CISTR: variants seen among roughly 807,000 people sequenced by gnomAD.
CISTR encodes the protein chondrogenic regulator lncRNA.
rs1359635128 is a variant in CISTR at position 53,751,068 on chromosome 12, A to ACACG, written n.415-107_415-104dup. ...AAGGGACGGACACTCACACACACAC[A>ACACG]CACGCACACACTCACTCCTGCGCAC... On this transcript the variant is annotated intron_variant and non_coding_transcript_variant, in intron 1 of 2. Coordinates refer to ENST00000669269, the Ensembl canonical transcript of CISTR. The surrounding 1 kb of genome is among the most constrained non-coding windows in gnomAD (Gnocchi z 4.6). 1 of 152,860 alleles carries ACACG rather than the reference A, an allele frequency of 6.5e-6. No homozygotes were observed. The highest frequency in any genetic ancestry group is 2.4e-5 in the African/African-American group (1 of 41,470). The allele number at this position is 152,860 out of a possible 1,614,324, so 9.5% of individuals were successfully genotyped here.
rs1256452566 is a variant in CISTR, at chr12:53,756,566, G to T, written n.414+248C>A. Reference sequence around the variant, plus strand: ...AGCCACTGCACTTGGCCTCTTTCAGGTTTCAGATGAGGAAATGGAGGCCTT... The same window carrying T: ...AGCCACTGCACTTGGCCTCTTTCAGTTTTCAGATGAGGAAATGGAGGCCTT... On this transcript the variant is annotated intron_variant and non_coding_transcript_variant, in intron 1 of 2. Transcript: ENST00000669269. This position sits in a 1 kb window ranked among gnomAD's most constrained non-coding sequence, Gnocchi z 4.0. Among the ~76,000 whole-genome samples the T allele has an allele frequency of 6.6e-6, 1 of 152,164 alleles. No individual in the cohort carries two copies. The highest frequency in any genetic ancestry group is 2.4e-5 in the African/African-American group (1 of 41,442).
At chr12:53,747,928 C>T (rs1937801346) in intron 2 of CISTR, among the ~76,000 whole-genome samples, 1 of 152,120 alleles carries the variant, frequency 6.6e-6, no homozygotes, top group African/African-American at 2.4e-5. Flanking sequence ...CCTTCCCACA[C>T]CCCCTTCCAG....
In CISTR at chr12:53,756,124, T is replaced by G. The variant is rs1003255346; in HGVS notation, n.414+690A>C. 6.6e-6 allele frequency among the ~76,000 whole-genome samples: 1 copy of G among 151,810 alleles called. No homozygotes were observed. The highest frequency in any genetic ancestry group is 1.5e-5 in the Non-Finnish European group (1 of 67,936). On this transcript the variant is annotated intron_variant and non_coding_transcript_variant, in intron 1 of 2. Transcript: ENST00000669269. This position sits in a 1 kb window ranked among gnomAD's most constrained non-coding sequence, Gnocchi z 4.0. ...TGGCCTTTTCATTTCCTGCTGGGGG[T>G]TGTGGAGAGCAATAAGCAAGGTGGG...
intron 2 of CISTR, among the ~76,000 whole-genome samples, chr12:53,748,367 A>C (rs1377036054): frequency 6.6e-6 from 1 of 152,118 alleles, no homozygotes; most frequent in Non-Finnish European, 1.5e-5. Flanking sequence ...GATGACGGAC[A>C]CACAGACAGG....
chr12:53,749,405 G>A (rs1937820814), intron 2 of CISTR, among the ~76,000 whole-genome samples: 1 of 151,824 alleles, frequency 6.6e-6, no homozygotes, highest in Non-Finnish European at 1.5e-5. Flanking sequence ...GAGGGAGGCA[G>A]ACTAAGGGGA....
At chr12:53,754,878 A>G (rs1011573162) in intron 1 of CISTR, among the ~76,000 whole-genome samples, 3 of 152,018 alleles carry the variant, frequency 2.0e-5, no homozygotes, top group African/African-American at 7.2e-5. Context: ...TATATGCTGA[A>G]TTTTTTTTCT....
chr12:53,746,425 G>C (rs1937780902), exon 3 of CISTR, among the ~76,000 whole-genome samples: 1 of 152,120 alleles, frequency 6.6e-6, no homozygotes, highest in South Asian at 2.1e-4. Flanking sequence ...AGAAGTCGTG[G>C]GTTCTAGTTC....
rs1343143239 is a variant in CISTR at position 53,751,066 on chromosome 12, A to C, written n.415-101T>G. 6.5e-6 allele frequency: 1 copy of C among 152,814 alleles called. No individual in the cohort carries two copies. Among genetic ancestry groups the C allele is most frequent in the African/African-American group, 2.4e-5 (1 of 41,464 alleles). The allele number at this position is 152,814 out of a possible 1,614,324, so 9.5% of individuals were successfully genotyped here. A position where few individuals can be genotyped will look rare whatever the true frequency, so the allele number is the denominator to read the frequency against. ...CAAAGGGACGGACACTCACACACAC[A>C]CACACGCACACACTCACTCCTGCGC... On this transcript the variant is annotated intron_variant and non_coding_transcript_variant, in intron 1 of 2. Transcript: ENST00000669269. The surrounding 1 kb of genome is among the most constrained non-coding windows in gnomAD (Gnocchi z 4.6).
At chr12:53,746,481 C>T (rs769176514) in exon 3 of CISTR, among the ~76,000 whole-genome samples, 3 of 152,146 alleles carry the variant, frequency 2.0e-5, no homozygotes, top group Admixed American at 1.3e-4. Context: ...CACGGAGGAG[C>T]GTGGGTGTCA....
chr12:53,749,308 G>A lies in CISTR; in HGVS notation n.1063+1009C>T, dbSNP rs59483862. On this transcript the variant is annotated intron_variant and non_coding_transcript_variant, in intron 2 of 2. Coordinates refer to ENST00000669269, the Ensembl canonical transcript of CISTR. ...AGGCAAGAAGTGTGTGTGTGTGTGT[G>A]TATATATATATATAAAAGACAGGGA... is the stretch of plus-strand genomic sequence containing the variant. 1.0e-2 allele frequency among the ~76,000 whole-genome samples: 927 copies of A among 93,036 alleles called. 2 individuals are homozygous for A. Among genetic ancestry groups the A allele is most frequent in the Middle Eastern group, 0.028 (5 of 178 alleles). 61.0% of individuals were successfully genotyped at this position (93,036 alleles called of 152,430 possible). A position where few individuals can be genotyped will look rare whatever the true frequency, so the allele number is the denominator to read the frequency against.
intron 1 of CISTR, among the ~76,000 whole-genome samples, chr12:53,754,785 T>A (rs1427804635): frequency 2.6e-5 from 4 of 152,288 alleles, no homozygotes; most frequent in South Asian, 2.1e-4. Context: ...TTCCCTCTGA[T>A]CTTGCTTCAT....
Position 53,751,346 on chromosome 12 carries a change from A to G in CISTR, n.415-381T>C, listed in dbSNP as rs968151689. 4.6e-5 allele frequency among the ~76,000 whole-genome samples: 7 copies of G among 152,028 alleles called. No homozygotes were observed. Among genetic ancestry groups the G allele is most frequent in the African/African-American group, 9.7e-5 (4 of 41,398 alleles). ...CCAGAGATCTAATGGCTCCTTTGGC[A>G]GTGGGAAGGGGTGTGCGTGGGTGTC... On this transcript the variant is annotated intron_variant and non_coding_transcript_variant, in intron 1 of 2. Transcript: ENST00000669269. The surrounding 1 kb of genome is among the most constrained non-coding windows in gnomAD (Gnocchi z 4.6).
chr12:53,747,775 C>T (rs938630672), intron 2 of CISTR, among the ~76,000 whole-genome samples: 7 of 152,202 alleles, frequency 4.6e-5, no homozygotes, highest in Non-Finnish European at 8.8e-5. Context: ...GGATAAAAGA[C>T]GCACTCCACC....
chr12:53,746,659 G>A (rs1158473655), exon 3 of CISTR, among the ~76,000 whole-genome samples: 1 of 152,176 alleles, frequency 6.6e-6, no homozygotes, highest in Non-Finnish European at 1.5e-5. Context: ...ATGGGTTTTT[G>A]CTCGAGCTAA....
At chr12:53,754,438 C>A (rs761622126) in intron 1 of CISTR, 11 of 152,268 alleles carry the variant, frequency 7.2e-5, no homozygotes, top group African/African-American at 2.6e-4. Context: ...CTTCCCGGAA[C>A]AGAAACGGCA....
At chr12:53,749,050 C>T (rs1937815335) in intron 2 of CISTR, among the ~76,000 whole-genome samples, 1 of 151,760 alleles carries the variant, frequency 6.6e-6, no homozygotes, top group South Asian at 2.1e-4. Flanking sequence ...TTGTCTGGTG[C>T]TGAACCAGAC....
At position 53,751,074 on chromosome 12, in the gene CISTR, ACACACTCACTCCTGCGCACACAGGCT is replaced by A. The variant is rs1218810230; in HGVS notation, n.415-135_415-110del. The A allele has an allele frequency of 6.5e-6, 1 of 152,848 alleles. No individual in the cohort carries two copies. The highest frequency in any genetic ancestry group is 1.5e-5 in the Non-Finnish European group (1 of 68,322). The allele number at this position is 152,848 out of a possible 1,614,324, so 9.5% of individuals were successfully genotyped here. ...CGGACACTCACACACACACACACGC[ACACACTCACTCCTGCGCACACAGGCT>A]GCTCCGCGGACACGCTTCACGGAGC... On this transcript the variant is annotated intron_variant and non_coding_transcript_variant, in intron 1 of 2. Transcript: ENST00000669269. This position sits in a 1 kb window ranked among gnomAD's most constrained non-coding sequence, Gnocchi z 4.6.
At chr12:53,747,134 A>AG (rs1379685675) in intron 2 of CISTR, among the ~76,000 whole-genome samples, 4 of 152,198 alleles carry the variant, frequency 2.6e-5, no homozygotes, top group Non-Finnish European at 5.9e-5. Context: ...TTTTAAAATC[A>AG]GGGTCTGGTG....
rs1466552748 is a variant in CISTR, at chr12:53,756,982, G to A, written n.246C>T. ...GAACTGTGGCCCTTGGAAACTATTA[G>A]CCCAACATCTCTTCTTCCCCTCTCC... is the stretch of plus-strand genomic sequence containing the variant. On this transcript the variant is annotated non_coding_transcript_exon_variant, in exon 1 of 3. Transcript: ENST00000669269. The surrounding 1 kb of genome is among the most constrained non-coding windows in gnomAD (Gnocchi z 4.0). 6.6e-6 allele frequency: 1 copy of A among 152,242 alleles called. No individual in the cohort carries two copies. The highest frequency in any genetic ancestry group is 2.4e-5 in the African/African-American group (1 of 41,370). 9.4% of individuals were successfully genotyped at this position (152,242 alleles called of 1,614,324 possible). A position where few individuals can be genotyped will look rare whatever the true frequency, so the allele number is the denominator to read the frequency against.
Sources: allele counts gnomAD v4.1 joint callset (sites outside exome capture counted in the v4.1 genomes callset), GRCh38; gene constraint gnomAD v4.1.1; non-coding constraint Gnocchi (gnomAD v3.1); transcripts MANE v1.5; gene names NCBI Gene and HGNC (gene_info 2026-07-23, HGNC 2026-07-21).